Variants in TMEM161B observed in about 807,000 individuals in gnomAD.
TMEM161B encodes the protein transmembrane protein 161B.
In TMEM161B, 34 loss-of-function variants were observed where a neutral mutation model predicts 61.8. That is an observed-to-expected ratio of 0.55 (90% CI 0.42 to 0.73). The LOEUF (loss-of-function observed/expected upper bound fraction) is 0.73, where lower values mean the gene tolerates loss of function less well. TMEM161B is among the 30% of genes least tolerant of loss of function. The probability of loss-of-function intolerance (pLI) is 0.00; values close to 1 mark genes in which losing one functional copy is unlikely to be tolerated. For missense variants in TMEM161B, 456 were observed against 558.5 expected (o/e 0.82, Z 1.85); for synonymous variants, 167 against 192.8 (o/e 0.87, Z 1.11).
At chr5:88,256,801 G>C (rs1220212914) in intron 1 of TMEM161B, among the ~76,000 whole-genome samples, 1 of 152,192 alleles carries the variant, frequency 6.6e-6, no homozygotes, top group African/African-American at 2.4e-5. Flanking sequence ...TTTTCCCACT[G>C]TTCTTCATTG....
chr5:88,224,025 G>A (rs1749526051), intron 4 of TMEM161B, among the ~76,000 whole-genome samples: 1 of 151,928 alleles, frequency 6.6e-6, no homozygotes, highest in African/African-American at 2.4e-5. Flanking sequence ...AAACTTTCAC[G>A]TATTTCGAAG....
At chr5:88,211,541 C>A (rs995634674) in intron 5 of TMEM161B, among the ~76,000 whole-genome samples, 2 of 151,932 alleles carry the variant, frequency 1.3e-5, no homozygotes, top group Non-Finnish European at 2.9e-5. Flanking sequence ...GGGCAGATCA[C>A]CTGAGGTCAG....
At chr5:88,225,557 T>C (rs1433434637) in intron 4 of TMEM161B, among the ~76,000 whole-genome samples, 1 of 152,178 alleles carries the variant, frequency 6.6e-6, no homozygotes, top group Non-Finnish European at 1.5e-5. Context: ...GTAATAAATT[T>C]GTGTAAGTTA....
rs757965279 is a variant in TMEM161B, at chr5:88,199,153, A to T, written c.915-3T>A. On this transcript the variant is annotated splice_region_variant and splice_polypyrimidine_tract_variant and intron_variant, in intron 9 of 11. Transcript: ENST00000296595. ...TATCGAATGTGGCTTCTGTCATTCT[A>T]CAGATCAAAAAGTTGATACGGTGCT... 6.2e-7 allele frequency: 1 copy of T among 1,600,454 alleles called. No homozygotes were observed. Among genetic ancestry groups the T allele is most frequent in the Admixed American group, 1.7e-5 (1 of 57,716 alleles).
At chr5:88,192,829 C>T (rs919549776), downstream of TMEM161B, among the ~76,000 whole-genome samples, 1 of 152,158 alleles carries the variant, frequency 6.6e-6, no homozygotes, top group African/African-American at 2.4e-5. Context: ...AATGTTGAGA[C>T]CTTAGGCTTC....
rs1255094156 is a variant in TMEM161B at position 88,233,188 on chromosome 5, G to GTT, written c.108-4662_108-4661dup. On this transcript the variant is annotated intron_variant, in intron 2 of 11. Transcript: ENST00000296595. Reference sequence around the variant, plus strand: ...AGCCAAAGCCTTTGCCTTTTTGATGGTTATATTCCAGTTGGGGTAAAATTT... The same window carrying GTT: ...AGCCAAAGCCTTTGCCTTTTTGATGGTTTTATATTCCAGTTGGGGTAAAATTT... Among the ~76,000 whole-genome samples the GTT allele has an allele frequency of 2.6e-5, 4 of 152,222 alleles. No individual in the cohort carries two copies. The East Asian group carries it at 5.8e-4, about 22-fold the overall frequency.
At chr5:88,188,931 C>T (rs1322845117), downstream of TMEM161B, among the ~76,000 whole-genome samples, 1 of 152,132 alleles carries the variant, frequency 6.6e-6, no homozygotes, top group Admixed American at 6.5e-5. Context: ...ACTTCCTCCT[C>T]GTCTTCAGAC....
At chr5:88,215,499 A>AC (rs1046384425) in intron 5 of TMEM161B, among the ~76,000 whole-genome samples, 2 of 151,330 alleles carry the variant, frequency 1.3e-5, no homozygotes, top group Non-Finnish European at 1.5e-5. Context: ...GGTTTGAACA[A>AC]AAAAAAAATC....
At chr5:88,261,289 T>C (rs1386675996) in intron 1 of TMEM161B, among the ~76,000 whole-genome samples, 1 of 152,082 alleles carries the variant, frequency 6.6e-6, no homozygotes, top group East Asian at 1.9e-4. Flanking sequence ...AATGGAGAGA[T>C]ATTCCATGTT....
intron 1 of TMEM161B, among the ~76,000 whole-genome samples, chr5:88,255,534 T>C (rs989728432): frequency 1.3e-5 from 2 of 152,236 alleles, no homozygotes; most frequent in Non-Finnish European, 2.9e-5. Flanking sequence ...TTAATTGTCT[T>C]GACCTACAAA....
At chr5:88,209,890 A>G (rs959676832) in intron 5 of TMEM161B, among the ~76,000 whole-genome samples, 1 of 152,048 alleles carries the variant, frequency 6.6e-6, no homozygotes, top group Middle Eastern at 3.2e-3. Context: ...CCAATCCAAG[A>G]CTCAACAAAA....
downstream of TMEM161B, among the ~76,000 whole-genome samples, chr5:88,185,651 A>T (rs546542900): frequency 5.9e-5 from 9 of 152,312 alleles, no homozygotes; most frequent in Non-Finnish European, 1.2e-4. Context: ...ACTCAATTTG[A>T]ACTTAGTTCT....
At chr5:88,247,760 C>T (rs147524588) in intron 1 of TMEM161B, among the ~76,000 whole-genome samples, 48 of 152,216 alleles carry the variant, frequency 3.2e-4, no homozygotes, top group African/African-American at 1.1e-3. Context: ...AAACAACAAA[C>T]ATCACTCAAC....
At chr5:88,218,847 C>T (rs76235160) in intron 5 of TMEM161B, among the ~76,000 whole-genome samples, 1,565 of 152,212 alleles carry the variant, frequency 0.01, 18 homozygotes, top group African/African-American at 0.034. Context: ...TTTTCAAAAG[C>T]GCAAGGTCAC....
chr5:88,251,555 T>C, intron 1 of TMEM161B, among the ~76,000 whole-genome samples: 1 of 151,892 alleles, frequency 6.6e-6, no homozygotes, highest in South Asian at 2.1e-4. Context: ...CTCCCAAGGT[T>C]AGCCTGGCCA....
chr5:88,185,828 G>T (rs1031128408), downstream of TMEM161B, among the ~76,000 whole-genome samples: 1 of 152,142 alleles, frequency 6.6e-6, no homozygotes, highest in Admixed American at 6.5e-5. Context: ...AATGAACAGA[G>T]CAACAATGAG....
At chr5:88,227,815 T>C (rs909918195) in intron 3 of TMEM161B, among the ~76,000 whole-genome samples, 3 of 152,178 alleles carry the variant, frequency 2.0e-5, no homozygotes, top group African/African-American at 7.2e-5. Flanking sequence ...GTAATTAACA[T>C]ACACTTTCCC....
chr5:88,202,748 T>C (rs1744660680), intron 9 of TMEM161B: 1 of 544,614 alleles, frequency 1.8e-6, no homozygotes, highest in Non-Finnish European at 3.2e-6. Flanking sequence ...GTAATATTAG[T>C]GCAAGGTAAT....
At chr5:88,264,560 T>A (rs1756110732) in intron 1 of TMEM161B, among the ~76,000 whole-genome samples, 1 of 152,218 alleles carries the variant, frequency 6.6e-6, no homozygotes, top group Admixed American at 6.5e-5. Context: ...AAATACCATT[T>A]GACCCAGCAA....
Sources: allele counts gnomAD v4.1 joint callset (sites outside exome capture counted in the v4.1 genomes callset), GRCh38; gene constraint gnomAD v4.1.1; transcripts MANE v1.5; gene names NCBI Gene and HGNC (gene_info 2026-07-23, HGNC 2026-07-21).